NME7: variants seen among roughly 807,000 people sequenced by gnomAD.
NME7 encodes the protein NME/NM23 family member 7, also known as nucleoside diphosphate kinase 7.
Under a neutral mutation model 49.1 loss-of-function variants are expected in NME7, and 41 were observed. The observed-to-expected ratio is 0.83, with a 90% CI of 0.65 to 1.08. The LOEUF (loss-of-function observed/expected upper bound fraction) is 1.08, where lower values mean the gene tolerates loss of function less well. Ranked by LOEUF, NME7 falls within the 50% of genes least tolerant of loss-of-function variation. The probability of loss-of-function intolerance (pLI) is 0.00; values close to 1 mark genes in which losing one functional copy is unlikely to be tolerated. For synonymous variants in NME7, 139 were observed against 150.6 expected (o/e 0.92, Z 0.56); for missense variants, 423 against 463.4 (o/e 0.91, Z 0.80).
chr1:169,252,397 T>C (rs1648671053), intron 7 of NME7, among the ~76,000 whole-genome samples: 1 of 152,138 alleles, frequency 6.6e-6, no homozygotes, highest in South Asian at 2.1e-4. Context: ...CACCCACTTT[T>C]TGATGGGGTT....
At chr1:169,292,442 G>A (rs1014779582) in intron 6 of NME7, among the ~76,000 whole-genome samples, 1 of 152,150 alleles carries the variant, frequency 6.6e-6, no homozygotes. Context: ...TAAAGAATTT[G>A]TATGCATAAT....
At chr1:169,299,135 A>G (rs913580297) in intron 5 of NME7, among the ~76,000 whole-genome samples, 3 of 152,172 alleles carry the variant, frequency 2.0e-5, no homozygotes, top group African/African-American at 7.2e-5. Flanking sequence ...AGTCAAGTAC[A>G]ATTTCACAAT....
chr1:169,301,426 T>C (rs1262339726), intron 5 of NME7, among the ~76,000 whole-genome samples: 1 of 151,968 alleles, frequency 6.6e-6, no homozygotes, highest in African/African-American at 2.4e-5. Context: ...AAAAATAACA[T>C]GCTGGCAAGA....
chr1:169,306,063 A>G (rs1345202164), intron 4 of NME7, among the ~76,000 whole-genome samples: 1 of 152,228 alleles, frequency 6.6e-6, no homozygotes, highest in African/African-American at 2.4e-5. Context: ...GACAGAAGAC[A>G]AGGCAGAGCA....
intron 1 of NME7, among the ~76,000 whole-genome samples, chr1:169,336,840 A>T (rs544595168): frequency 4.3e-3 from 650 of 151,612 alleles, no homozygotes; most frequent in Non-Finnish European, 7.0e-3. Context: ...GCAGCTAGAT[A>T]CAGAGTGTCG....
At chr1:169,142,919 G>A (rs1213025002) in intron 11 of NME7, among the ~76,000 whole-genome samples, 1 of 152,092 alleles carries the variant, frequency 6.6e-6, no homozygotes, top group Admixed American at 6.6e-5. Flanking sequence ...TCATTTGTAG[G>A]GGAGTCCAAG....
At chr1:169,138,297 C>G (rs762309736) in intron 11 of NME7, among the ~76,000 whole-genome samples, 3 of 146,528 alleles carry the variant, frequency 2.0e-5, no homozygotes, top group African/African-American at 7.4e-5. Flanking sequence ...GGTGACAGGG[C>G]GAGACTCCTC....
At chr1:169,232,559 G>C (rs12401966) in intron 9 of NME7, among the ~76,000 whole-genome samples, 11 of 151,460 alleles carry the variant, frequency 7.3e-5, no homozygotes, top group East Asian at 3.9e-4. Flanking sequence ...AGGGTGTTGG[G>C]GGGGGGGCAG....
chr1:169,310,039 C>G lies in NME7; in HGVS notation c.320G>C (p.Gly107Ala). Residue 107 changes from glycine to alanine, a missense_variant, in exon 4 of 12, where the codon GGA becomes GCA. Transcript: ENST00000367811. Reference protein sequence around the residue: ...LIKPDAISKAGEIIEIINKAG... With the variant: ...LIKPDAISKAAEIIEIINKAG... ...TTTGTTTATTATTTCAATTATTTCT[C>G]CAGCCTTTGATATTGCATCTGGTTT... is the stretch of plus-strand genomic sequence containing the variant. 1 of 1,609,036 alleles carries G rather than the reference C, an allele frequency of 6.2e-7. No individual in the cohort carries two copies. Among genetic ancestry groups the G allele is most frequent in the Non-Finnish European group, 8.5e-7 (1 of 1,177,796 alleles).
Position 169,298,676 on chromosome 1 carries a change from C to T in NME7, c.528G>A (p.Leu176=), listed in dbSNP as rs896061199. The part of the protein sequence containing the change: ...DDAICEWKRL[L]GPANSGVART... The stretch of plus-strand genomic sequence containing the variant: ...GTGCCACTCCAGAGTTTGCAGGTCC[C>T]AGCAGTCTTTTCCATTCACATATAG... The change falls in exon 6 of 12, where the codon CTG becomes CTA. Residue 176 remains leucine (L), a synonymous_variant. Transcript: ENST00000367811. 1.2e-6 allele frequency: 2 copies of T among 1,613,792 alleles called. No individual in the cohort carries two copies. The highest frequency in any genetic ancestry group is 1.7e-6 in the Non-Finnish European group (2 of 1,179,930).
chr1:169,168,174 GGTCAAGCCATACACTT>G, intron 11 of NME7, among the ~76,000 whole-genome samples: 1 of 152,226 alleles, frequency 6.6e-6, no homozygotes, highest in Middle Eastern at 3.4e-3. Context: ...CAAGTCAAAA[GGTCAAGCCATACACTT>G]GTCTTTCAAG....
chr1:169,329,544 G>A lies in NME7; in HGVS notation c.4-5044C>T, dbSNP rs114611037. On this transcript the variant is annotated intron_variant, in intron 1 of 11. Coordinates refer to ENST00000367811, the MANE Select transcript of NME7 (RefSeq NM_013330.5). ...AGCAGAAATTCTGGAGCTGAAAAAT[G>A]CAAAAAGCGTACTGAAGAAGGCATC... 7.1e-3 allele frequency among the ~76,000 whole-genome samples: 1,080 copies of A among 151,916 alleles called. 6 individuals carry two copies. The highest frequency in any genetic ancestry group is 0.012 in the Non-Finnish European group (830 of 67,932).
chr1:169,253,615 G>A (rs1380196195), intron 7 of NME7, among the ~76,000 whole-genome samples: 2 of 152,192 alleles, frequency 1.3e-5, no homozygotes, highest in East Asian at 3.9e-4. Flanking sequence ...TAGGAGTGGT[G>A]AGAGAGGGCA....
At chr1:169,250,625 C>G (rs1249218746) in intron 7 of NME7, among the ~76,000 whole-genome samples, 1 of 151,900 alleles carries the variant, frequency 6.6e-6, no homozygotes, top group Admixed American at 6.6e-5. Flanking sequence ...ATAAATTTTC[C>G]TTTTAGTACT....
At chr1:169,312,410 C>T (rs1267719391) in intron 3 of NME7, among the ~76,000 whole-genome samples, 1 of 152,166 alleles carries the variant, frequency 6.6e-6, no homozygotes, top group Non-Finnish European at 1.5e-5. Flanking sequence ...CATTGAGAGC[C>T]ATCAGTGTAA....
intron 11 of NME7, among the ~76,000 whole-genome samples, chr1:169,155,443 CA>C (rs1659040218): frequency 6.6e-6 from 1 of 152,222 alleles, no homozygotes; most frequent in East Asian, 1.9e-4. Flanking sequence ...AAAAAGCAGA[CA>C]AACTATTAGT....
At chr1:169,284,293 C>G (rs574525735) in intron 7 of NME7, 5 of 152,018 alleles carry the variant, frequency 3.3e-5, no homozygotes, top group Non-Finnish European at 7.4e-5. Flanking sequence ...CTTTTCAGCT[C>G]CATCAGGTCA....
chr1:169,288,589 G>A (rs1413363159), intron 6 of NME7, among the ~76,000 whole-genome samples: 1 of 152,082 alleles, frequency 6.6e-6, no homozygotes, highest in Non-Finnish European at 1.5e-5. Flanking sequence ...TATAGAATGT[G>A]TTAATGTGCC....
chr1:169,243,317 T>A (rs575345171), intron 7 of NME7, among the ~76,000 whole-genome samples: 8 of 152,266 alleles, frequency 5.3e-5, no homozygotes, highest in African/African-American at 1.9e-4. Flanking sequence ...CTCAGTAAAG[T>A]TAGGAAATAA....
Sources: gnomAD v4.1 joint callset for allele counts (sites outside exome capture counted in the v4.1 genomes callset) on GRCh38, gnomAD v4.1.1 for gene constraint, MANE v1.5 for transcripts, NCBI Gene and HGNC (gene_info 2026-07-23, HGNC 2026-07-21) for gene names.